The following DAPP1 variants were observed in gnomAD, a reference collection of about 807,000 sequenced individuals.
DAPP1 encodes the protein dual adaptor of phosphotyrosine and 3-phosphoinositides 1.
DAPP1 carries 20 observed loss-of-function variants against 41.5 expected under a neutral mutation model. The observed-to-expected ratio is 0.48, with a 90% CI of 0.34 to 0.70. DAPP1 has a LOEUF of 0.70. Among genes scored for constraint, DAPP1 ranks in the 30% least tolerant of loss-of-function variants. The pLI is 0.01. For synonymous variants in DAPP1, 113 were observed against 116.2 expected, an observed-to-expected ratio of 0.97 and a Z score of 0.18; for missense variants, 233 against 333.4, an observed-to-expected ratio of 0.70 and a Z score of 2.35.
rs776829227 is a variant in DAPP1 at position 99,857,701 on chromosome 4, T to TATACACAC, written c.490-3876_490-3875insTACACACA. On this transcript the variant is annotated intron_variant, in intron 4 of 8. Coordinates refer to ENST00000512369, the MANE Select transcript of DAPP1 (RefSeq NM_014395.3). ...AAAAAAAAAAGTATATGTATGTATA[T>TATACACAC]ACACACACACACACACACACACACA... Among the ~76,000 whole-genome samples the TATACACAC allele has an allele frequency of 3.0e-3, 436 of 143,096 alleles. 6 individuals carry two copies. The highest frequency in any genetic ancestry group is 0.028 in the Admixed American group (399 of 14,038). The allele number at this position is 143,096 out of a possible 152,430, so 93.9% of individuals were successfully genotyped here. A position where few individuals can be genotyped will look rare whatever the true frequency, so the allele number is the denominator to read the frequency against.
chr4:99,869,988 C>A lies in DAPP1; in HGVS notation c.*1803C>A, dbSNP rs781349447. ...AACAGAAGTTACAAATGAATACTCA[C>A]GGATATGTATAGTTTTATGTTTGTT... On this transcript the variant is annotated 3_prime_UTR_variant, in exon 9 of 9. Transcript: ENST00000512369. 1 of 151,802 alleles carries A rather than the reference C, an allele frequency of 6.6e-6. No individual in the cohort carries two copies. The highest frequency in any genetic ancestry group is 2.1e-4 in the South Asian group (1 of 4,820). The allele number at this position is 151,802 out of a possible 1,614,324, so 9.4% of individuals were successfully genotyped here. A position where few individuals can be genotyped will look rare whatever the true frequency, so the allele number is the denominator to read the frequency against.
downstream of DAPP1, among the ~76,000 whole-genome samples, chr4:99,872,134 A>T (rs909252682): frequency 6.6e-6 from 1 of 152,354 alleles, no homozygotes; most frequent in South Asian, 2.1e-4. Context: ...GGCATTTGAG[A>T]ATGACCATAT....
chr4:99,856,333 GA>G (rs1423211040), intron 4 of DAPP1, among the ~76,000 whole-genome samples: 2 of 152,216 alleles, frequency 1.3e-5, no homozygotes, highest in African/African-American at 4.8e-5. Context: ...CCATTAGTAA[GA>G]GATTTCACTG....
chr4:99,857,990 G>A (rs548123141), intron 4 of DAPP1, among the ~76,000 whole-genome samples: 17 of 152,244 alleles, frequency 1.1e-4, no homozygotes, highest in African/African-American at 3.8e-4. Context: ...TCCCCAAGTC[G>A]TTTGATAGTA....
At chr4:99,823,454 T>C (rs1364648938) in intron 1 of DAPP1, among the ~76,000 whole-genome samples, 1 of 152,188 alleles carries the variant, frequency 6.6e-6, no homozygotes, top group Non-Finnish European at 1.5e-5. Context: ...TTTTAAGAAA[T>C]GTTTTTCTGT....
intron 4 of DAPP1, among the ~76,000 whole-genome samples, chr4:99,858,453 A>C (rs1260513943): frequency 6.6e-6 from 1 of 152,230 alleles, no homozygotes; most frequent in Non-Finnish European, 1.5e-5. Context: ...ATGGAACACA[A>C]TTGCAATCTG....
rs1217019787 is a variant in DAPP1 at position 99,861,641 on chromosome 4, T to C, written c.537+16T>C. On this transcript the variant is annotated intron_variant, in intron 5 of 8. Transcript: ENST00000512369. ...CCTGGTCAAGGTAAGGAAGTGTGGT[T>C]TTGCTCATGCCAGCCACAGAAAAAA... The C allele has an allele frequency of 6.4e-7, 1 of 1,566,766 alleles. No homozygotes were observed. The highest frequency in any genetic ancestry group is 8.7e-7 in the Non-Finnish European group (1 of 1,155,002).
intron 1 of DAPP1, among the ~76,000 whole-genome samples, chr4:99,823,022 C>G (rs578260287): frequency 1.3e-5 from 2 of 152,184 alleles, no homozygotes; most frequent in South Asian, 4.1e-4. Context: ...ATGTTTATAA[C>G]TTTAAAAAGT....
intron 2 of DAPP1, among the ~76,000 whole-genome samples, chr4:99,837,328 ATGC>A (rs1413004573): frequency 1.3e-5 from 2 of 152,256 alleles, no homozygotes; most frequent in East Asian, 3.9e-4. Flanking sequence ...TCATCTTAGA[ATGC>A]TGCCTGCCAC....
chr4:99,835,713 T>A lies in DAPP1; in HGVS notation c.192T>A (p.Asn64Lys). The change falls in exon 2 of 9, where the codon AAT (asparagine) becomes AAA (lysine). Residue 64 changes from asparagine (N) to lysine (K), a missense_variant. By Grantham distance (94) the Asn-to-Lys change is moderately conservative (BLOSUM62 0). Coordinates refer to ENST00000512369, the MANE Select transcript of DAPP1 (RefSeq NM_014395.3). The part of the protein sequence containing the change: ...CDGSYLLRDS[N>K]ETTGLYSLSV... The stretch of plus-strand genomic sequence containing the variant: ...GCAGCTACCTTCTGAGGGACAGCAA[T>A]GAGACCACCGGGCTGTACTCTCTCT... The A allele has an allele frequency of 1.2e-6, 2 of 1,613,768 alleles. No homozygotes were observed. The highest frequency in any genetic ancestry group is 1.7e-6 in the Non-Finnish European group (2 of 1,179,764).
intron 4 of DAPP1, 113 bp from the exon 5 acceptor site, chr4:99,861,465 A>G (rs1333638023): frequency 2.2e-5 from 25 of 1,127,360 alleles, no homozygotes; most frequent in Middle Eastern, 4.0e-4. Context: ...AATGATAGAC[A>G]GTAATTTAAA....
At chr4:99,866,341 T>C (rs1478976309) in intron 8 of DAPP1, among the ~76,000 whole-genome samples, 6 of 152,284 alleles carry the variant, frequency 3.9e-5, no homozygotes, top group Non-Finnish European at 8.8e-5. Context: ...ATTTGGGTCT[T>C]AGACATAGAG....
At chr4:99,840,018 T>G (rs1204662774) in intron 2 of DAPP1, among the ~76,000 whole-genome samples, 3 of 151,392 alleles carry the variant, frequency 2.0e-5, no homozygotes, top group African/African-American at 7.2e-5. Context: ...GCCTAGATCA[T>G]GCCACTGCAC....
At chr4:99,844,820 C>T (rs988681917) in intron 3 of DAPP1, 2 of 152,144 alleles carry the variant, frequency 1.3e-5, no homozygotes, top group African/African-American at 4.8e-5. Context: ...AATCTTTTGA[C>T]GACAGCTACC....
At chr4:99,835,554 G>A in intron 1 of DAPP1, 69 bp from the exon 2 acceptor site, 2 of 1,574,796 alleles carry the variant, frequency 1.3e-6, no homozygotes, top group South Asian at 2.3e-5. Flanking sequence ...TCTTTGCAAG[G>A]AAAAGCCAGT....
chr4:99,822,508 T>C (rs1034122733), intron 1 of DAPP1, among the ~76,000 whole-genome samples: 9 of 152,108 alleles, frequency 5.9e-5, no homozygotes, highest in Non-Finnish European at 2.9e-5. Context: ...TTTTTGTCAG[T>C]TGAAGTTAGA....
At position 99,861,519 on chromosome 4, in the gene DAPP1, G is replaced by A. The variant is rs898048999; in HGVS notation, c.490-59G>A. ...TTCATTTAAAAATAGGACATGAAAG[G>A]AAGGACAAACGTCCTGTTGTGACAG... On this transcript the variant is annotated intron_variant, in intron 4 of 8. Transcript: ENST00000512369. The A allele has an allele frequency of 3.4e-6, 5 of 1,491,004 alleles. No homozygotes were observed. The East Asian group carries it at 9.8e-5, about 29-fold the overall frequency. 92.4% of individuals were successfully genotyped at this position (1,491,004 alleles called of 1,614,324 possible).
Position 99,816,981 on chromosome 4 carries a change from C to A in DAPP1, c.68C>A (p.Ser23Tyr). ...GATCCCTCAGATCTGTGGAGCAGAT[C>A]CGATGGAGAGGCTGAGCTGCTCCAG... ...TQDPSDLWSR[S>Y]DGEAELLQDL... is the part of the protein sequence containing the mutation. Residue 23 changes from serine to tyrosine, a missense_variant, in exon 1 of 9, where the codon TCC (serine) becomes TAC (tyrosine). Transcript: ENST00000512369. 1 of 1,606,440 alleles carries A rather than the reference C, an allele frequency of 6.2e-7. No individual in the cohort carries two copies.
Position 99,835,725 on chromosome 4 carries a change from G to T in DAPP1, c.204G>T (p.Gly68=), listed in dbSNP as rs765235028. 1.2e-6 allele frequency: 2 copies of T among 1,613,766 alleles called. No individual in the cohort carries two copies. Among genetic ancestry groups the T allele is most frequent in the Non-Finnish European group, 1.7e-6 (2 of 1,179,824 alleles). ...YLLRDSNETT[G]LYSLSVRAKD... Reference sequence around the variant, plus strand: ...TGAGGGACAGCAATGAGACCACCGGGCTGTACTCTCTCTCTGTGAGGTAAG... The same window carrying T: ...TGAGGGACAGCAATGAGACCACCGGTCTGTACTCTCTCTCTGTGAGGTAAG... Residue 68 remains glycine, a synonymous_variant, in exon 2 of 9, where the codon GGG becomes GGT. Transcript: ENST00000512369.
Sources: allele counts gnomAD v4.1 joint callset (sites outside exome capture counted in the v4.1 genomes callset), GRCh38; gene constraint gnomAD v4.1.1; transcripts MANE v1.5; gene names NCBI Gene and HGNC (gene_info 2026-07-23, HGNC 2026-07-21).